KALRN: variants seen among roughly 807,000 people sequenced by gnomAD.
The protein encoded by KALRN is kalirin RhoGEF kinase, also known as kalirin.
A neutral mutation model predicts 353.7 loss-of-function variants in KALRN; 70 were observed. The observed-to-expected ratio is 0.20, with a 90% CI of 0.16 to 0.24. The LOEUF (loss-of-function observed/expected upper bound fraction) is 0.24. KALRN is among the 10% of genes least tolerant of loss of function. The pLI is 1.00. For synonymous variants in KALRN, 1,391 were observed against 1,434.8 expected, an observed-to-expected ratio of 0.97 and a Z score of 0.69; for missense variants, 2,791 against 3,756.7, an observed-to-expected ratio of 0.74 and a Z score of 6.72.
At position 124,326,111 on chromosome 3, in the gene KALRN, C is replaced by G; in HGVS notation, c.1224C>G (p.Ala408=). 6.2e-7 allele frequency: 1 copy of G among 1,613,852 alleles called. No individual in the cohort carries two copies. The highest frequency in any genetic ancestry group is 8.5e-7 in the Non-Finnish European group (1 of 1,179,838). ...LDQEWKSFAA[A]LDERSTILAM... The stretch of plus-strand genomic sequence containing the variant: ...AGGAGTGGAAGAGCTTCGCTGCTGC[C>G]CTGGATGAACGCAGCACCATCCTCG... Residue 408 remains alanine, a synonymous_variant, in exon 7 of 60, where the codon GCC becomes GCG. Coordinates refer to ENST00000682506, the MANE Select transcript of KALRN (RefSeq NM_001388419.1).
chr3:124,050,885 C>T (rs970964589), intron 1 of KALRN, among the ~76,000 whole-genome samples: 1 of 152,240 alleles, frequency 6.6e-6, no homozygotes, highest in African/African-American at 2.4e-5. Flanking sequence ...TTCTCTTTGC[C>T]TGCTGCTATA....
chr3:124,709,148 C>A (rs542371320), intron 57 of KALRN, among the ~76,000 whole-genome samples: 1 of 152,032 alleles, frequency 6.6e-6, no homozygotes, highest in South Asian at 2.1e-4. Flanking sequence ...AACTATATAG[C>A]AAAAGACTTC....
chr3:124,103,736 G>T (rs962111909), intron 1 of KALRN, among the ~76,000 whole-genome samples: 10 of 152,050 alleles, frequency 6.6e-5, no homozygotes, highest in Non-Finnish European at 1.3e-4. Flanking sequence ...TGGACAGATT[G>T]CCTGAGCTCA....
At chr3:124,207,934 T>TAA (rs2150465690) in intron 1 of KALRN, among the ~76,000 whole-genome samples, 1 of 152,288 alleles carries the variant, frequency 6.6e-6, no homozygotes, top group Admixed American at 6.5e-5. Flanking sequence ...TTCTGTGAGG[T>TAA]AAGTGATCAC....
chr3:124,273,407 A>G (rs922794803), intron 5 of KALRN, among the ~76,000 whole-genome samples: 1 of 152,256 alleles, frequency 6.6e-6, no homozygotes, highest in Non-Finnish European at 1.5e-5. Flanking sequence ...TCACCATCTA[A>G]TTAAGCAAGT....
At chr3:124,697,565 C>T in intron 54 of KALRN, 28 bp from the exon 55 acceptor site, 1 of 1,560,896 alleles carries the variant, frequency 6.4e-7, no homozygotes, top group Non-Finnish European at 8.6e-7. Flanking sequence ...GCAGAAATAG[C>T]ACCTGATCCT....
At chr3:124,266,683 G>T (rs2073592744) in intron 4 of KALRN, among the ~76,000 whole-genome samples, 1 of 152,118 alleles carries the variant, frequency 6.6e-6, no homozygotes, top group Non-Finnish European at 1.5e-5. Context: ...GCGCCTGTGT[G>T]TGGTGTCAAA....
intron 5 of KALRN, among the ~76,000 whole-genome samples, chr3:124,279,616 GACAC>G (rs2075139648): frequency 1.3e-5 from 2 of 152,214 alleles, no homozygotes; most frequent in Non-Finnish European, 2.9e-5. Flanking sequence ...GTGGGTATTA[GACAC>G]AAGGTCAGCT....
chr3:124,628,364 TTTCCTTCCCTCCTTCCCTCCTTCCTTCC>T (rs1355767832), intron 34 of KALRN, among the ~76,000 whole-genome samples: 1 of 11,194 alleles, frequency 8.9e-5, no homozygotes, highest in African/African-American at 2.8e-4. Flanking sequence ...TCCCTTCTTC[TTTCCTTCCCTCCTTCCCTCCTTCCTTCC>T]TTCCTTCCCT....
intron 1 of KALRN, among the ~76,000 whole-genome samples, chr3:124,213,566 C>T (rs1012889878): frequency 6.6e-6 from 1 of 152,134 alleles, no homozygotes; most frequent in African/African-American, 2.4e-5. Context: ...AGTTGAAAAT[C>T]CCTTTGGCAC....
At chr3:124,501,018 T>C (rs1178797206) in intron 33 of KALRN, among the ~76,000 whole-genome samples, 1 of 152,258 alleles carries the variant, frequency 6.6e-6, no homozygotes, top group Non-Finnish European at 1.5e-5. Flanking sequence ...CCATCTGCAC[T>C]GTAATAGTTC....
In KALRN at chr3:124,374,756, A is replaced by G. The variant is rs565608438; in HGVS notation, c.1771-10089A>G. On this transcript the variant is annotated intron_variant, in intron 10 of 59. Coordinates refer to ENST00000682506, the MANE Select transcript of KALRN (RefSeq NM_001388419.1). ...CACTCCCTCCCACTGCCAGCCAAAC[A>G]TAGAATACAGAAAACAGGAAAAACA... 3.9e-5 allele frequency among the ~76,000 whole-genome samples: 6 copies of G among 152,326 alleles called. No individual in the cohort carries two copies. In the South Asian group the frequency reaches 8.3e-4, roughly 21 times the overall value.
intron 33 of KALRN, among the ~76,000 whole-genome samples, chr3:124,499,855 C>G (rs999724711): frequency 6.6e-6 from 1 of 152,310 alleles, no homozygotes; most frequent in East Asian, 1.9e-4. Flanking sequence ...TTCTCCAAAT[C>G]ATCTCTGATT....
At chr3:124,292,344 A>G (rs1006618038) in intron 5 of KALRN, among the ~76,000 whole-genome samples, 2 of 152,222 alleles carry the variant, frequency 1.3e-5, no homozygotes, top group African/African-American at 4.8e-5. Flanking sequence ...GAGGGATTGC[A>G]TGAAAAATTG....
intron 33 of KALRN, among the ~76,000 whole-genome samples, chr3:124,543,065 G>A (rs549824083): frequency 5.3e-5 from 8 of 152,246 alleles, no homozygotes; most frequent in African/African-American, 1.7e-4. Flanking sequence ...TCTCTCTAGG[G>A]CTGCTTAAAT....
chr3:124,675,415 A>G (rs1250526028), intron 49 of KALRN: 1 of 152,044 alleles, frequency 6.6e-6, no homozygotes, highest in Non-Finnish European at 1.5e-5. Context: ...CACCATGAGC[A>G]TGTTTTAATG....
At chr3:124,556,328 A>G (rs142885480) in intron 33 of KALRN, among the ~76,000 whole-genome samples, 5 of 152,332 alleles carry the variant, frequency 3.3e-5, no homozygotes, top group Admixed American at 3.3e-4. Context: ...TGGGCTTCCA[A>G]CATACAAACT....
chr3:124,437,187 A>C (rs577903681), intron 17 of KALRN, among the ~76,000 whole-genome samples: 32 of 151,704 alleles, frequency 2.1e-4, no homozygotes, highest in Non-Finnish European at 3.2e-4. Context: ...ATGTGATGCT[A>C]GAGATGGGAC....
At chr3:124,238,146 G>A (rs1360714859) in intron 3 of KALRN, among the ~76,000 whole-genome samples, 1 of 152,126 alleles carries the variant, frequency 6.6e-6, no homozygotes, top group Admixed American at 6.5e-5. Context: ...TTAGAGTGCT[G>A]TCAAGGAAGC....
Sources: gnomAD v4.1 joint callset for allele counts (sites outside exome capture counted in the v4.1 genomes callset) on GRCh38, gnomAD v4.1.1 for gene constraint, MANE v1.5 for transcripts, NCBI Gene and HGNC (gene_info 2026-07-23, HGNC 2026-07-21) for gene names.